CADM2: variants seen among roughly 807,000 people sequenced by gnomAD.
CADM2 encodes the protein immunoglobulin superfamily member 4D.
Under a neutral mutation model 49.8 loss-of-function variants are expected in CADM2, and 12 were observed. The observed-to-expected ratio is 0.24, with a 90% CI of 0.15 to 0.39. The LOEUF is 0.39. CADM2 is among the 10% of genes least tolerant of loss of function. The pLI is 1.00. For synonymous variants in CADM2, 214 were observed against 175.4 expected, an observed-to-expected ratio of 1.22 and a Z score of -1.74; for missense variants, 378 against 492.3, an observed-to-expected ratio of 0.77 and a Z score of 2.20.
At chr3:85,731,626 T>C (rs990531462) in intron 2 of CADM2, among the ~76,000 whole-genome samples, 10 of 152,232 alleles carry the variant, frequency 6.6e-5, no homozygotes, top group Middle Eastern at 3.4e-3. Context: ...TATTTCCTCT[T>C]CATAATGGCA....
chr3:85,692,455 G>C (rs935565007), intron 1 of CADM2, among the ~76,000 whole-genome samples: 1 of 152,134 alleles, frequency 6.6e-6, no homozygotes, highest in Non-Finnish European at 1.5e-5. Context: ...AAGAAAGAAA[G>C]TCATGTAGCT....
chr3:85,162,850 T>C (rs771520896), intron 1 of CADM2, among the ~76,000 whole-genome samples: 12 of 152,078 alleles, frequency 7.9e-5, no homozygotes, highest in Non-Finnish European at 1.2e-4. Context: ...TCCTTGGCAA[T>C]AATACATTTG....
At chr3:85,581,554 C>A (rs560629376) in intron 1 of CADM2, among the ~76,000 whole-genome samples, 133 of 151,400 alleles carry the variant, frequency 8.8e-4, no homozygotes, top group African/African-American at 3.2e-3. Context: ...ATATTTTTTT[C>A]TTTTCTGTAT....
intron 1 of CADM2, among the ~76,000 whole-genome samples, chr3:85,060,792 C>G (rs917615721): frequency 4.6e-5 from 7 of 151,866 alleles, no homozygotes; most frequent in African/African-American, 1.7e-4. Flanking sequence ...GATATGTTAG[C>G]CTCAAAATTT....
intron 7 of CADM2, among the ~76,000 whole-genome samples, chr3:85,955,386 A>G (rs978069637): frequency 2.0e-5 from 3 of 151,402 alleles, no homozygotes; most frequent in African/African-American, 7.3e-5. Context: ...GTCCCTTTCC[A>G]CACCAGGAAG....
intron 1 of CADM2, among the ~76,000 whole-genome samples, chr3:85,375,102 A>G (rs1045058550): frequency 2.0e-5 from 3 of 152,176 alleles, no homozygotes; most frequent in African/African-American, 7.2e-5. Context: ...GATTTAATAC[A>G]TATTTTCCTA....
chr3:85,349,642 A>T (rs1030636176), intron 1 of CADM2, among the ~76,000 whole-genome samples: 2 of 152,182 alleles, frequency 1.3e-5, no homozygotes, highest in African/African-American at 4.8e-5. Flanking sequence ...CAAAACATAG[A>T]TTGAACATGT....
intron 1 of CADM2, among the ~76,000 whole-genome samples, chr3:85,464,851 G>T (rs1410026854): frequency 6.6e-6 from 1 of 152,048 alleles, no homozygotes; most frequent in East Asian, 1.9e-4. Context: ...TAGTCAATTG[G>T]CTTTAAGACA....
At chr3:85,800,953 T>A (rs557353341) in intron 2 of CADM2, 2 of 152,322 alleles carry the variant, frequency 1.3e-5, no homozygotes, top group East Asian at 3.9e-4. Flanking sequence ...ATTACAAAAC[T>A]AAAGAAGAAA....
chr3:84,959,235 A>C lies in CADM2; in HGVS notation c.-373A>C. On this transcript the variant is annotated 5_prime_UTR_variant, in exon 1 of 10. Coordinates refer to ENST00000383699, the MANE Select transcript of CADM2 (RefSeq NM_001167675.2). Reference sequence around the variant, plus strand: ...CCCACTCCTTGCAGCCCTCGCCCGCACCTTCTCCAACACCCCGGCATCCCT... The same window carrying C: ...CCCACTCCTTGCAGCCCTCGCCCGCCCCTTCTCCAACACCCCGGCATCCCT... The C allele has an allele frequency of 5.8e-6, 2 of 346,546 alleles. No homozygotes were observed. The highest frequency in any genetic ancestry group is 3.3e-5 in the South Asian group (1 of 30,184). The allele number at this position is 346,546 out of a possible 1,614,324, so 21.5% of individuals were successfully genotyped here. A position where few individuals can be genotyped will look rare whatever the true frequency, so the allele number is the denominator to read the frequency against.
intron 1 of CADM2, among the ~76,000 whole-genome samples, chr3:85,184,386 G>A (rs2041004706): frequency 6.6e-6 from 1 of 151,832 alleles, no homozygotes; most frequent in Non-Finnish European, 1.5e-5. Flanking sequence ...TATCTTCTAG[G>A]GCTGAGAAAT....
chr3:85,388,576 T>G (rs2034362535), intron 1 of CADM2, among the ~76,000 whole-genome samples: 1 of 152,164 alleles, frequency 6.6e-6, no homozygotes, highest in African/African-American at 2.4e-5. Flanking sequence ...ATGGCAATAC[T>G]CCTCATTTTA....
intron 1 of CADM2, among the ~76,000 whole-genome samples, chr3:85,722,770 A>G (rs1289490985): frequency 6.6e-6 from 1 of 152,192 alleles, no homozygotes; most frequent in Non-Finnish European, 1.5e-5. Context: ...GAGACGGGTG[A>G]AATTTATCTA....
chr3:85,399,057 T>C (rs1184930234), intron 1 of CADM2, among the ~76,000 whole-genome samples: 1 of 152,224 alleles, frequency 6.6e-6, no homozygotes, highest in Non-Finnish European at 1.5e-5. Flanking sequence ...TTTTGGTGTT[T>C]TAGACATGAA....
intron 1 of CADM2, among the ~76,000 whole-genome samples, chr3:85,384,168 G>A (rs73845476): frequency 0.011 from 1,748 of 152,154 alleles, 37 homozygotes; most frequent in African/African-American, 0.04. Flanking sequence ...ATCTGTACCT[G>A]TCTGAAGAAA....
At chr3:85,759,407 G>A (rs748271500) in intron 2 of CADM2, among the ~76,000 whole-genome samples, 34 of 151,916 alleles carry the variant, frequency 2.2e-4, no homozygotes, top group Non-Finnish European at 1.0e-4. Context: ...ACAGTATAAC[G>A]CAATGCAACA....
At chr3:85,059,937 T>C (rs2036241026) in intron 1 of CADM2, among the ~76,000 whole-genome samples, 1 of 152,130 alleles carries the variant, frequency 6.6e-6, no homozygotes, top group African/African-American at 2.4e-5. Flanking sequence ...GAAAAAATTA[T>C]GAACCTGTTA....
intron 8 of CADM2, among the ~76,000 whole-genome samples, chr3:85,985,317 G>A (rs912596165): frequency 9.2e-5 from 14 of 151,718 alleles, no homozygotes; most frequent in African/African-American, 2.2e-4. Flanking sequence ...TACATATCAC[G>A]TTCATGAGGG....
intron 2 of CADM2, among the ~76,000 whole-genome samples, chr3:85,794,081 A>G (rs185125617): frequency 6.6e-6 from 1 of 152,238 alleles, no homozygotes; most frequent in Admixed American, 6.5e-5. Flanking sequence ...TCTGTTCTGG[A>G]TCACCATCTG....
Sources: gnomAD v4.1 joint callset for allele counts (sites outside exome capture counted in the v4.1 genomes callset) on GRCh38, gnomAD v4.1.1 for gene constraint, MANE v1.5 for transcripts, NCBI Gene and HGNC (gene_info 2026-07-23, HGNC 2026-07-21) for gene names.